CBFA2T2: variants seen among roughly 807,000 people sequenced by gnomAD.
The protein encoded by CBFA2T2 is protein CBFA2T2.
In CBFA2T2, 11 loss-of-function variants were observed where a neutral mutation model predicts 62.2. That is an observed-to-expected ratio of 0.18 (90% CI 0.11 to 0.29). CBFA2T2 has a LOEUF of 0.29. Ranked by LOEUF, CBFA2T2 falls within the 10% of genes least tolerant of loss-of-function variation. The probability of loss-of-function intolerance (pLI) is 1.00; values close to 1 mark genes in which losing one functional copy is unlikely to be tolerated. For synonymous variants in CBFA2T2, 295 were observed against 287.5 expected (o/e 1.03, Z -0.27); for missense variants, 592 against 774.1 (o/e 0.76, Z 2.79).
intron 1 of CBFA2T2, among the ~76,000 whole-genome samples, chr20:33,506,592 T>C (rs1465832724): frequency 1.3e-5 from 2 of 152,216 alleles, no homozygotes; most frequent in Non-Finnish European, 2.9e-5. Flanking sequence ...CCTAACAGTT[T>C]TTGGATAGCT....
Position 33,645,409 on chromosome 20 carries a change from G to A in CBFA2T2, c.*763G>A, listed in dbSNP as rs1205259471. On this transcript the variant is annotated 3_prime_UTR_variant, in exon 11 of 11. Coordinates refer to ENST00000342704, the MANE Select transcript of CBFA2T2 (RefSeq NM_001032999.3). ...GTTTCCAGCACATGGATTGATCTGA[G>A]AGAGAATGAGGCTCAGTTGTGGATA... is the stretch of plus-strand genomic sequence containing the variant. 6.6e-6 allele frequency: 1 copy of A among 152,196 alleles called. No homozygotes were observed. The highest frequency in any genetic ancestry group is 1.5e-5 in the Non-Finnish European group (1 of 68,044). 9.4% of individuals were successfully genotyped at this position (152,196 alleles called of 1,614,324 possible). A position where few individuals can be genotyped will look rare whatever the true frequency, so the allele number is the denominator to read the frequency against.
intron 1 of CBFA2T2, among the ~76,000 whole-genome samples, chr20:33,506,244 G>A (rs1328933666): frequency 1.3e-5 from 2 of 151,904 alleles, no homozygotes; most frequent in Non-Finnish European, 1.5e-5. Flanking sequence ...GTCTCTACAA[G>A]ATAATAATAA....
intron 1 of CBFA2T2, among the ~76,000 whole-genome samples, chr20:33,542,285 A>G (rs1330131617): frequency 6.6e-6 from 1 of 152,180 alleles, no homozygotes. Flanking sequence ...GTTAAAACCA[A>G]TAATCATTGG....
intron 1 of CBFA2T2, among the ~76,000 whole-genome samples, chr20:33,570,043 G>T (rs1468704374): frequency 6.6e-6 from 1 of 152,106 alleles, no homozygotes; most frequent in Non-Finnish European, 1.5e-5. Context: ...AGTTTGGGAG[G>T]CCAAGGCGGG....
chr20:33,513,345 G>A lies in CBFA2T2; in HGVS notation c.34+23044G>A, dbSNP rs551228486. ...GTGCTGCTTTCATAGACCGTAATGG[G>A]TTTTTTTGTTTTTTTTTTGGTTTTT... On this transcript the variant is annotated intron_variant, in intron 1 of 10. Transcript: ENST00000342704. 3.3e-4 allele frequency among the ~76,000 whole-genome samples: 49 copies of A among 149,954 alleles called. 2 individuals are homozygous for A. Among genetic ancestry groups the A allele is most frequent in the African/African-American group, 9.5e-4 (39 of 40,880 alleles).
intron 1 of CBFA2T2, among the ~76,000 whole-genome samples, chr20:33,604,543 T>C (rs747718039): frequency 7.9e-5 from 12 of 152,202 alleles, no homozygotes; most frequent in Non-Finnish European, 1.5e-4. Context: ...ATGAAAAGTA[T>C]CAATCTGTAA....
intron 1 of CBFA2T2, among the ~76,000 whole-genome samples, chr20:33,530,600 A>G (rs1301879834): frequency 6.6e-6 from 1 of 151,502 alleles, no homozygotes; most frequent in Non-Finnish European, 1.5e-5. Flanking sequence ...TATTTTTTGT[A>G]AAGACGGGGT....
intron 1 of CBFA2T2, among the ~76,000 whole-genome samples, chr20:33,497,689 A>G (rs2011219089): frequency 1.3e-5 from 2 of 151,490 alleles, no homozygotes; most frequent in African/African-American, 4.9e-5. Flanking sequence ...AGCAGGGACT[A>G]CAGGCACACG....
chr20:33,641,899 G>A (rs796396610), intron 10 of CBFA2T2, among the ~76,000 whole-genome samples: 5 of 149,184 alleles, frequency 3.4e-5, no homozygotes, highest in African/African-American at 1.2e-4. Flanking sequence ...CAATAGAAAT[G>A]TTATTTTCTT....
intron 9 of CBFA2T2, among the ~76,000 whole-genome samples, chr20:33,638,221 C>T (rs541787981): frequency 5.3e-5 from 8 of 149,652 alleles, no homozygotes; most frequent in Non-Finnish European, 5.9e-5. Context: ...GTGATCCACC[C>T]GCCTTGGCCT....
intron 1 of CBFA2T2, among the ~76,000 whole-genome samples, chr20:33,516,281 C>T (rs1041940013): frequency 6.6e-6 from 1 of 151,742 alleles, no homozygotes; most frequent in African/African-American, 2.4e-5. Flanking sequence ...ACCAGTCTGG[C>T]CAACATAGTG....
chr20:33,572,932 T>A (rs1481259578), intron 1 of CBFA2T2, among the ~76,000 whole-genome samples: 1 of 152,190 alleles, frequency 6.6e-6, no homozygotes, highest in Non-Finnish European at 1.5e-5. Context: ...AGTGACAAGT[T>A]TGGCCCAGCT....
At chr20:33,546,212 T>G (rs2012562932) in intron 1 of CBFA2T2, among the ~76,000 whole-genome samples, 1 of 152,188 alleles carries the variant, frequency 6.6e-6, no homozygotes, top group Non-Finnish European at 1.5e-5. Context: ...GCAATTAATT[T>G]AATAATAGAA....
chr20:33,642,116 T>TGTGTGTGTGTGTGTG (rs1555851384), intron 10 of CBFA2T2, among the ~76,000 whole-genome samples: 7 of 59,068 alleles, frequency 1.2e-4, no homozygotes, highest in South Asian at 1.3e-3. Context: ...TTTTTTTTTT[T>TGTGTGTGTGTGTGTG]TGTGTGTGTG....
intron 1 of CBFA2T2, among the ~76,000 whole-genome samples, chr20:33,511,032 T>C (rs769409461): frequency 1.6e-4 from 25 of 152,224 alleles, no homozygotes; most frequent in Non-Finnish European, 2.8e-4. Context: ...ATTCTGGATA[T>C]TAACCCTTTG....
intron 1 of CBFA2T2, among the ~76,000 whole-genome samples, chr20:33,496,187 A>C (rs1315465221): frequency 2.0e-5 from 3 of 152,206 alleles, no homozygotes; most frequent in Non-Finnish European, 4.4e-5. Context: ...TCCCAGGAGA[A>C]GGAAGGGTGA....
At chr20:33,608,281 C>T (rs1329101581) in intron 2 of CBFA2T2, among the ~76,000 whole-genome samples, 1 of 152,192 alleles carries the variant, frequency 6.6e-6, no homozygotes, top group Non-Finnish European at 1.5e-5. Context: ...TGCCTGTAAA[C>T]CAAAATGTAC....
At chr20:33,582,088 T>A (rs1330348408) in intron 1 of CBFA2T2, among the ~76,000 whole-genome samples, 2 of 152,212 alleles carry the variant, frequency 1.3e-5, no homozygotes, top group Non-Finnish European at 2.9e-5. Context: ...TGAACCCTTA[T>A]TGCCCAGCTA....
At chr20:33,603,885 A>T (rs1441744669) in intron 1 of CBFA2T2, among the ~76,000 whole-genome samples, 1 of 152,198 alleles carries the variant, frequency 6.6e-6, no homozygotes, top group Non-Finnish European at 1.5e-5. Context: ...CCTTCTTCCT[A>T]CAGGGACTTA....
Sources: gnomAD v4.1 joint callset for allele counts (sites outside exome capture counted in the v4.1 genomes callset) on GRCh38, gnomAD v4.1.1 for gene constraint, MANE v1.5 for transcripts, NCBI Gene and HGNC (gene_info 2026-07-23, HGNC 2026-07-21) for gene names.